Variants in PRDM2 observed in about 807,000 individuals in gnomAD.
PRDM2 encodes the protein PR domain zinc finger protein 2.
PRDM2 carries 30 observed loss-of-function variants against 130.0 expected under a neutral mutation model. That is an observed-to-expected ratio of 0.23 (90% confidence interval 0.17 to 0.31). The LOEUF is 0.31. Among genes scored for constraint, PRDM2 ranks in the 10% least tolerant of loss-of-function variants. The pLI, the probability that PRDM2 is intolerant of heterozygous loss-of-function variation, is 1.00. For synonymous variants in PRDM2, 871 were observed against 782.4 expected, an observed-to-expected ratio of 1.11 and a Z score of -1.89; for missense variants, 2,011 against 2,108.4, an observed-to-expected ratio of 0.95 and a Z score of 0.90.
intron 1 of PRDM2, among the ~76,000 whole-genome samples, chr1:13,712,411 A>G (rs1470440252): frequency 6.6e-6 from 1 of 152,260 alleles, no homozygotes; most frequent in Non-Finnish European, 1.5e-5. Context: ...CATGAAAAGC[A>G]GATGGTAAGA....
chr1:13,765,314 A>G (rs1644198805), intron 6 of PRDM2, among the ~76,000 whole-genome samples: 1 of 152,234 alleles, frequency 6.6e-6, no homozygotes, highest in Non-Finnish European at 1.5e-5. Context: ...CCTTATGGAA[A>G]ACTTAATTTT....
intron 6 of PRDM2, among the ~76,000 whole-genome samples, chr1:13,766,156 C>T (rs114782786): frequency 0.015 from 2,225 of 152,334 alleles, 25 homozygotes; most frequent in South Asian, 0.036. Context: ...GTGAGTTCAA[C>T]ATCTACCCTG....
rs1238105300 is a variant in PRDM2, at chr1:13,780,643, G to T, written c.2848G>T (p.Ala950Ser). ...STPDVCPSSP[A>S]LQTPSLSSGQ... ...ACCTGATGTTTGTCCTTCATCACCT[G>T]CCCTGCAGACACCCTCCCTTTCATC... Residue 950 changes from alanine (A) to serine (S), a missense_variant, in exon 8 of 10, where the codon GCC (alanine) becomes TCC (serine). By Grantham distance (99) the Ala-to-Ser change is moderately conservative. Coordinates refer to ENST00000311066, the MANE Select transcript of PRDM2 (RefSeq NM_001393986.1). The T allele has an allele frequency of 1.2e-6, 2 of 1,613,236 alleles. No homozygotes were observed. The highest frequency in any genetic ancestry group is 4.5e-5 in the East Asian group (2 of 44,862).
At chr1:13,747,449 T>C (rs1643644481) in intron 5 of PRDM2, among the ~76,000 whole-genome samples, 1 of 152,190 alleles carries the variant, frequency 6.6e-6, no homozygotes, top group Non-Finnish European at 1.5e-5. Context: ...TGATGGCTGT[T>C]TTAATTTATT....
intron 8 of PRDM2, among the ~76,000 whole-genome samples, chr1:13,808,221 G>T (rs1476393992): frequency 6.6e-6 from 1 of 152,162 alleles, no homozygotes; most frequent in South Asian, 2.1e-4. Flanking sequence ...GCCGGGCGCG[G>T]TGGCTCACGC....
chr1:13,782,621 G>A lies in PRDM2; in HGVS notation c.4826G>A (p.Arg1609Gln), dbSNP rs931053178. ...GCTCAGCTTTCCAGCAAAACATCAC[G>A]GAGCCTGCACGTGAGGGTACAGAAA... ...HSAQLSSKTS[R>Q]SLHVRVQKSK... The change falls in exon 8 of 10, where the codon CGG becomes CAG. Residue 1609 changes from arginine (R) to glutamine (Q), a missense_variant. Physicochemically the swap from Arg to Gln is conservative, Grantham distance 43. Transcript: ENST00000311066. 2 of 1,614,124 alleles carry A rather than the reference G, an allele frequency of 1.2e-6. No homozygotes were observed. Among genetic ancestry groups the A allele is most frequent in the East Asian group, 2.2e-5 (1 of 44,886 alleles).
chr1:13,707,009 C>G (rs1265025899), intron 1 of PRDM2, among the ~76,000 whole-genome samples: 6 of 151,816 alleles, frequency 4.0e-5, no homozygotes, highest in Non-Finnish European at 5.9e-5. Flanking sequence ...CGGAGAAGAC[C>G]TATAGAATCT....
chr1:13,799,423 C>T (rs1644972865), intron 8 of PRDM2, among the ~76,000 whole-genome samples: 2 of 144,010 alleles, frequency 1.4e-5, no homozygotes, highest in Non-Finnish European at 3.0e-5. Context: ...CCAGCCTGGG[C>T]AACAAGAGCG....
chr1:13,786,629 C>T, intron 8 of PRDM2: 1 of 1,578,472 alleles, frequency 6.3e-7, no homozygotes, highest in Non-Finnish European at 8.6e-7. Context: ...ACCAAGCTTG[C>T]AAGACCAGTT....
intron 4 of PRDM2, 55 bp downstream of exon 4, chr1:13,732,937 G>C: frequency 8.4e-7 from 1 of 1,188,876 alleles, no homozygotes. Context: ...TAATTATTCT[G>C]TTCTCTCAGA....
At chr1:13,767,323 A>G (rs1253190805) in intron 6 of PRDM2, among the ~76,000 whole-genome samples, 1 of 151,838 alleles carries the variant, frequency 6.6e-6, no homozygotes, top group Non-Finnish European at 1.5e-5. Context: ...TTTTTGAGAC[A>G]GTCTGTCGCC....
chr1:13,821,527 A>G (rs541525160), intron 9 of PRDM2, among the ~76,000 whole-genome samples: 4 of 151,746 alleles, frequency 2.6e-5, no homozygotes, highest in Non-Finnish European at 1.5e-5. Flanking sequence ...CAGTGGCGCA[A>G]TCTCAGGTCG....
chr1:13,788,486 T>A (rs1644785468), intron 8 of PRDM2, among the ~76,000 whole-genome samples: 1 of 152,236 alleles, frequency 6.6e-6, no homozygotes, highest in Non-Finnish European at 1.5e-5. Flanking sequence ...TGGGGTTTTT[T>A]AAGATTAAAA....
chr1:13,700,266 C>T lies in PRDM2; in HGVS notation c.-100C>T, dbSNP rs948955409. On this transcript the variant is annotated 5_prime_UTR_variant, in exon 1 of 10. Transcript: ENST00000311066. ...CGAAACAGCGGCGGCGGCGGCGGCC[C>T]TCGGTGCTCTGAGGCGCTGGCGCGG... is the stretch of plus-strand genomic sequence containing the variant. 5.3e-5 allele frequency: 8 copies of T among 150,726 alleles called. No individual in the cohort carries two copies. Among genetic ancestry groups the T allele is most frequent in the East Asian group, 1.9e-4 (1 of 5,162 alleles). 9.3% of individuals were successfully genotyped at this position (150,726 alleles called of 1,614,324 possible). A position where few individuals can be genotyped will look rare whatever the true frequency, so the allele number is the denominator to read the frequency against.
chr1:13,734,352 G>A (rs902172151), intron 4 of PRDM2, among the ~76,000 whole-genome samples: 1 of 152,154 alleles, frequency 6.6e-6, no homozygotes, highest in African/African-American at 2.4e-5. Flanking sequence ...GGCTCACCAG[G>A]TTTAACACTA....
chr1:13,792,954 C>A (rs1485999156), intron 8 of PRDM2, among the ~76,000 whole-genome samples: 2 of 152,252 alleles, frequency 1.3e-5, no homozygotes, highest in African/African-American at 4.8e-5. Context: ...CCATCTGGTT[C>A]CAGAGCCAAG....
chr1:13,789,573 A>G (rs1644805320), intron 8 of PRDM2, among the ~76,000 whole-genome samples: 2 of 152,234 alleles, frequency 1.3e-5, no homozygotes, highest in African/African-American at 4.8e-5. Flanking sequence ...TCTGAATGCC[A>G]GTAATCTAGA....
chr1:13,823,085 T>C, intron 9 of PRDM2, 74 bp from the exon 10 acceptor site: 1 of 1,405,196 alleles, frequency 7.1e-7, no homozygotes. Flanking sequence ...TTAAGTGCAA[T>C]AACGCATGGA....
intron 5 of PRDM2, among the ~76,000 whole-genome samples, chr1:13,747,454 T>C (rs1643644698): frequency 6.6e-6 from 1 of 152,148 alleles, no homozygotes; most frequent in Admixed American, 6.5e-5. Context: ...GCTGTTTTAA[T>C]TTATTAATAT....
Sources: gnomAD v4.1 joint callset for allele counts (sites outside exome capture counted in the v4.1 genomes callset) on GRCh38, gnomAD v4.1.1 for gene constraint, MANE v1.5 for transcripts, NCBI Gene and HGNC (gene_info 2026-07-23, HGNC 2026-07-21) for gene names.